The following POU3F2 variants were observed in gnomAD, a reference collection of about 807,000 sequenced individuals.
POU3F2 encodes the protein POU domain, class 3, transcription factor 2.
A neutral mutation model predicts 33.1 loss-of-function variants in POU3F2; 11 were observed. The observed-to-expected ratio is 0.33, with a 90% CI of 0.21 to 0.55. POU3F2 has a LOEUF of 0.55. Among genes scored for constraint, POU3F2 ranks in the 20% least tolerant of loss-of-function variants. POU3F2 has a pLI of 0.91. For synonymous variants in POU3F2, 332 were observed against 289.6 expected, an observed-to-expected ratio of 1.15 and a Z score of -1.49; for missense variants, 456 against 620.2, an observed-to-expected ratio of 0.74 and a Z score of 2.81.
Position 98,835,975 on chromosome 6 carries a change from G to T in POU3F2, c.1102G>T (p.Ala368Ser). The change falls in exon 1 of 1, where the codon GCT becomes TCT. Residue 368 changes from alanine (A) to serine (S), a missense_variant. Physicochemically the swap from Ala to Ser is moderately conservative, Grantham distance 99. Coordinates refer to ENST00000328345, the MANE Select transcript of POU3F2 (RefSeq NM_005604.4). The surrounding 1 kb of genome is among the most constrained non-coding windows in gnomAD (Gnocchi z 9.7). ...RTSIEVSVKG[A>S]LESHFLKCPK... ...CTCCATCGAGGTGAGCGTCAAGGGG[G>T]CTCTGGAGAGCCATTTCCTCAAATG... 6.2e-7 allele frequency: 1 copy of T among 1,613,912 alleles called. No individual in the cohort carries two copies. The highest frequency in any genetic ancestry group is 8.5e-7 in the Non-Finnish European group (1 of 1,179,960).
Position 98,839,446 on chromosome 6 carries a change from A to G in POU3F2, c.*3241A>G, listed in dbSNP as rs1223788842. 6.6e-6 allele frequency: 1 copy of G among 152,248 alleles called. No homozygotes were observed. Among genetic ancestry groups the G allele is most frequent in the Non-Finnish European group, 1.5e-5 (1 of 68,032 alleles). 9.4% of individuals were successfully genotyped at this position (152,248 alleles called of 1,614,324 possible). A position where few individuals can be genotyped will look rare whatever the true frequency, so the allele number is the denominator to read the frequency against. ...ATTATTCCTGTTTGGTTTGCATAAA[A>G]AGATGAATTTTACAATGGTTTATAC... On this transcript the variant is annotated 3_prime_UTR_variant, in exon 1 of 1. Coordinates refer to ENST00000328345, the MANE Select transcript of POU3F2 (RefSeq NM_005604.4).
Position 98,835,402 on chromosome 6 carries a change from C to T in POU3F2, c.529C>T (p.Leu177Phe), listed in dbSNP as rs1436308939. The T allele has an allele frequency of 6.3e-7, 1 of 1,583,460 alleles. No individual in the cohort carries two copies. Among genetic ancestry groups the T allele is most frequent in the Non-Finnish European group, 8.6e-7 (1 of 1,168,528 alleles). The change falls in exon 1 of 1, where the codon CTC becomes TTC. Residue 177 changes from leucine (L) to phenylalanine (F), a missense_variant. Physicochemically the swap from Leu to Phe is conservative, Grantham distance 22. Around this residue, in one of 6 missense-constraint regions of POU3F2, gnomAD observed 341 missense variants for 382.4 expected, o/e 0.89. Transcript: ENST00000328345. The surrounding 1 kb of genome is among the most constrained non-coding windows in gnomAD (Gnocchi z 9.7). ...GCGGAGCGCGGCGGCTGCAGCGCAC[C>T]TCCCACCCTCCATGGGAGCGTCCAA... The part of the protein sequence containing the change: ...AWRSAAAAAH[L>F]PPSMGASNGG...
Position 98,835,956 on chromosome 6 carries a change from C to A in POU3F2, c.1083C>A (p.Ile361=), listed in dbSNP as rs749593813. 4 of 1,614,092 alleles carry A rather than the reference C, an allele frequency of 2.5e-6. No individual in the cohort carries two copies. The highest frequency in any genetic ancestry group is 3.3e-5 in the Admixed American group (2 of 60,000). Residue 361 remains isoleucine, a synonymous_variant, in exon 1 of 1, where the codon ATC becomes ATA. Transcript: ENST00000328345. This position sits in a 1 kb window ranked among gnomAD's most constrained non-coding sequence, Gnocchi z 9.7. The stretch of plus-strand genomic sequence containing the variant: ...GCAAGCGGAAAAAGCGGACCTCCAT[C>A]GAGGTGAGCGTCAAGGGGGCTCTGG... ...QGRKRKKRTS[I]EVSVKGALES...
chr6:98,835,659 G>A lies in POU3F2; in HGVS notation c.786G>A (p.Glu262=), dbSNP rs753609966. The stretch of plus-strand genomic sequence containing the variant: ...CGCACCACGACCCGCACTCGGACGA[G>A]GACACGCCGACCTCGGACGACCTGG... ...PGAHHDPHSD[E]DTPTSDDLEQ... Residue 262 remains glutamate (E), a synonymous_variant, in exon 1 of 1, where the codon GAG becomes GAA. Coordinates refer to ENST00000328345, the MANE Select transcript of POU3F2 (RefSeq NM_005604.4). The surrounding 1 kb of genome is among the most constrained non-coding windows in gnomAD (Gnocchi z 9.7). 6.2e-7 allele frequency: 1 copy of A among 1,613,270 alleles called. No homozygotes were observed. The highest frequency in any genetic ancestry group is 1.7e-5 in the Admixed American group (1 of 60,002).
Position 98,835,848 on chromosome 6 carries a change from G to A in POU3F2, c.975G>A (p.Lys325=). The change falls in exon 1 of 1, where the codon AAG becomes AAA. Residue 325 remains lysine (K), a synonymous_variant. Coordinates refer to ENST00000328345, the MANE Select transcript of POU3F2 (RefSeq NM_005604.4). This position sits in a 1 kb window ranked among gnomAD's most constrained non-coding sequence, Gnocchi z 9.7. The part of the protein sequence containing the change: ...QLSFKNMCKL[K]PLLNKWLEEA... ...GCTTCAAGAACATGTGCAAGCTGAA[G>A]CCTTTGTTGAACAAGTGGTTGGAGG... 1 of 1,614,218 alleles carries A rather than the reference G, an allele frequency of 6.2e-7. No homozygotes were observed. The highest frequency in any genetic ancestry group is 1.7e-5 in the Admixed American group (1 of 60,036).
rs1163702971 is a variant in POU3F2 at position 98,835,794 on chromosome 6, C to T, written c.921C>T (p.Thr307=). ...ATGGCAACGTGTTCTCGCAGACCAC[C>T]ATCTGCAGGTTTGAGGCCCTGCAGC... The part of the protein sequence containing the change: ...TLYGNVFSQT[T]ICRFEALQLS... The change falls in exon 1 of 1, where the codon ACC becomes ACT. Residue 307 remains threonine, a synonymous_variant. Transcript: ENST00000328345. This position sits in a 1 kb window ranked among gnomAD's most constrained non-coding sequence, Gnocchi z 9.7. The T allele has an allele frequency of 4.3e-6, 7 of 1,614,056 alleles. No individual in the cohort carries two copies. Among genetic ancestry groups the T allele is most frequent in the African/African-American group, 1.3e-5 (1 of 74,946 alleles).
rs1316747970 is a variant in POU3F2, at chr6:98,837,770, G to A, written c.*1565G>A. 1 of 166,782 alleles carries A rather than the reference G, an allele frequency of 6.0e-6. No homozygotes were observed. Among genetic ancestry groups the A allele is most frequent in the Non-Finnish European group, 1.5e-5 (1 of 68,114 alleles). 10.3% of individuals were successfully genotyped at this position (166,782 alleles called of 1,614,324 possible). Reference sequence around the variant, plus strand: ...TTTTGACCTTATCTTAATGGAAAACGGTTAACTCCAAACACAAAAGACTCT... The same window carrying A: ...TTTTGACCTTATCTTAATGGAAAACAGTTAACTCCAAACACAAAAGACTCT... On this transcript the variant is annotated 3_prime_UTR_variant, in exon 1 of 1. Transcript: ENST00000328345.
Position 98,836,776 on chromosome 6 carries a change from TTC to T in POU3F2, c.*575_*576del, listed in dbSNP as rs1770004956. ...ACGTGAACAAATTCATGAGCATATT[TTC>T]TCTTTCTCCCCACCGTTAATTTGGG... On this transcript the variant is annotated 3_prime_UTR_variant, in exon 1 of 1. Transcript: ENST00000328345. 1 of 167,042 alleles carries T rather than the reference TTC, an allele frequency of 6.0e-6. No homozygotes were observed. The highest frequency in any genetic ancestry group is 2.4e-5 in the African/African-American group (1 of 41,462). The allele number at this position is 167,042 out of a possible 1,614,324, so 10.3% of individuals were successfully genotyped here.
Position 98,835,135 on chromosome 6 carries a change from G to A in POU3F2, c.262G>A (p.Gly88Ser), listed in dbSNP as rs1356056492. Residue 88 changes from glycine to serine, a missense_variant, in exon 1 of 1, where the codon GGC (glycine) becomes AGC (serine). This residue lies in a region of POU3F2 where 341 missense variants were observed against 382.4 expected (regional missense o/e 0.89). Transcript: ENST00000328345. This position sits in a 1 kb window ranked among gnomAD's most constrained non-coding sequence, Gnocchi z 9.7. ...GGGCGGGGGCGGCGGCGGGGGCGGC[G>A]GCGACGGCTCCCCGTGGTCCACCAG... ...GGGGGGGGGG[G>S]DGSPWSTSPL... 4.0e-6 allele frequency: 5 copies of A among 1,237,378 alleles called. No homozygotes were observed. The highest frequency in any genetic ancestry group is 1.6e-5 in the African/African-American group (1 of 63,800). 76.6% of individuals were successfully genotyped at this position (1,237,378 alleles called of 1,614,324 possible).
rs1010945943 is a variant in POU3F2, at chr6:98,837,812, G to GA, written c.*1613dup. 1.2e-5 allele frequency: 2 copies of GA among 166,748 alleles called. No homozygotes were observed. The highest frequency in any genetic ancestry group is 2.9e-5 in the Non-Finnish European group (2 of 68,116). The allele number at this position is 166,748 out of a possible 1,614,324, so 10.3% of individuals were successfully genotyped here. On this transcript the variant is annotated 3_prime_UTR_variant, in exon 1 of 1. Coordinates refer to ENST00000328345, the MANE Select transcript of POU3F2 (RefSeq NM_005604.4). ...AAAGACTCTACTGGAAAGTGTAGGT[G>GA]AAAAAACTTGTAACTGTATTGAAAA...
In POU3F2 at chr6:98,834,990, C is replaced by T; in HGVS notation, c.117C>T (p.Ser39=). 1 of 1,596,596 alleles carries T rather than the reference C, an allele frequency of 6.3e-7. No individual in the cohort carries two copies. Among genetic ancestry groups the T allele is most frequent in the Non-Finnish European group, 8.5e-7 (1 of 1,177,594 alleles). ...CGGGGGGCTACCGCGAAGCGCAGAG[C>T]CTGGTGCAGGGCGACTACGGCGCTC... ...QGAGGYREAQ[S]LVQGDYGALQ... The change falls in exon 1 of 1, where the codon AGC becomes AGT. Residue 39 remains serine, a synonymous_variant. Transcript: ENST00000328345.
rs1440792457 is a variant in POU3F2 at position 98,836,467 on chromosome 6, G to C, written c.*262G>C. 4.9e-6 allele frequency: 2 copies of C among 408,524 alleles called. No homozygotes were observed. The highest frequency in any genetic ancestry group is 8.9e-6 in the Non-Finnish European group (2 of 225,692). The allele number at this position is 408,524 out of a possible 1,614,324, so 25.3% of individuals were successfully genotyped here. A position where few individuals can be genotyped will look rare whatever the true frequency, so the allele number is the denominator to read the frequency against. On this transcript the variant is annotated 3_prime_UTR_variant, in exon 1 of 1. Coordinates refer to ENST00000328345, the MANE Select transcript of POU3F2 (RefSeq NM_005604.4). ...CAGGCAATGGAGTGGAGTGTCTCCT[G>C]GAGAGAGTGAGGAGAGTGTGTGATA...
chr6:98,834,954 G>A lies in POU3F2; in HGVS notation c.81G>A (p.Met27Ile), dbSNP rs751975215. ...TGCACGCCGAGCCGCCCGGCGGCAT[G>A]CAGCAGGGCGCGGGGGGCTACCGCG... ...SIVHAEPPGG[M>I]QQGAGGYREA... Residue 27 changes from methionine (M) to isoleucine (I), a missense_variant, in exon 1 of 1, where the codon ATG (methionine) becomes ATA (isoleucine). Physicochemically the swap from Met to Ile is conservative, Grantham distance 10. Coordinates refer to ENST00000328345, the MANE Select transcript of POU3F2 (RefSeq NM_005604.4). 3.2e-5 allele frequency: 51 copies of A among 1,599,098 alleles called. No homozygotes were observed. The highest frequency in any genetic ancestry group is 6.8e-6 in the Non-Finnish European group (8 of 1,178,982).
rs945695111 is a variant in POU3F2, at chr6:98,837,097, C to T, written c.*892C>T. On this transcript the variant is annotated 3_prime_UTR_variant, in exon 1 of 1. Transcript: ENST00000328345. ...ATCCGGTTTGGAATATAAAAATAAG[C>T]ATTGGTTGTTCTTACCAGCCACAAA... 1.2e-5 allele frequency: 2 copies of T among 167,194 alleles called. No individual in the cohort carries two copies. 10.4% of individuals were successfully genotyped at this position (167,194 alleles called of 1,614,324 possible).
In POU3F2 at chr6:98,834,882, C is replaced by G. The variant is rs781220601; in HGVS notation, c.9C>G (p.Thr3=). MA[T]AASNHYSLLT... ...GTCCGGCTCCGAGAGTCATGGCGAC[C>G]GCAGCGTCTAACCACTACAGCCTGC... The change falls in exon 1 of 1, where the codon ACC becomes ACG. Residue 3 remains threonine, a synonymous_variant. Transcript: ENST00000328345. 1.3e-6 allele frequency: 2 copies of G among 1,598,358 alleles called. No homozygotes were observed. The highest frequency in any genetic ancestry group is 8.5e-7 in the Non-Finnish European group (1 of 1,178,844).
At position 98,835,919 on chromosome 6, in the gene POU3F2, C is replaced by T. The variant is rs1473395856; in HGVS notation, c.1046C>T (p.Ala349Val). Residue 349 changes from alanine to valine, a missense_variant, in exon 1 of 1, where the codon GCA becomes GTA. By Grantham distance (64) the Ala-to-Val change is moderately conservative. This residue lies in a region of POU3F2 where 48 missense variants were observed against 96.0 expected (regional missense o/e 0.50). Transcript: ENST00000328345. The surrounding 1 kb of genome is among the most constrained non-coding windows in gnomAD (Gnocchi z 9.7). Reference sequence around the variant, plus strand: ...AGCCCCACGAGCATAGACAAGATCGCAGCGCAAGGGCGCAAGCGGAAAAAG... The same window carrying T: ...AGCCCCACGAGCATAGACAAGATCGTAGCGCAAGGGCGCAAGCGGAAAAAG... ...SGSPTSIDKI[A>V]AQGRKRKKRT... The T allele has an allele frequency of 1.2e-6, 2 of 1,614,090 alleles. No homozygotes were observed. The highest frequency in any genetic ancestry group is 1.7e-6 in the Non-Finnish European group (2 of 1,180,050).
Position 98,839,025 on chromosome 6 carries a change from A to C in POU3F2, c.*2820A>C, listed in dbSNP as rs1445627915. On this transcript the variant is annotated 3_prime_UTR_variant, in exon 1 of 1. Coordinates refer to ENST00000328345, the MANE Select transcript of POU3F2 (RefSeq NM_005604.4). The stretch of plus-strand genomic sequence containing the variant: ...TTTTTTTAATGGAGACTACTGGTCT[A>C]ATTCACTTTACTTTGCAAAAACTAT... 1 of 151,710 alleles carries C rather than the reference A, an allele frequency of 6.6e-6. No homozygotes were observed. Among genetic ancestry groups the C allele is most frequent in the East Asian group, 1.9e-4 (1 of 5,180 alleles). 9.4% of individuals were successfully genotyped at this position (151,710 alleles called of 1,614,324 possible). A position where few individuals can be genotyped will look rare whatever the true frequency, so the allele number is the denominator to read the frequency against.
rs5878562 is a variant in POU3F2 at position 98,837,682 on chromosome 6, GA to G, written c.*1488del. ...TTTCACTAAGGAAGGCAAATGAAGTGAAAAAAAAAAATGCCATTTTCAATCC... is the reference window on the plus strand; with the variant it reads ...TTTCACTAAGGAAGGCAAATGAAGTGAAAAAAAAAATGCCATTTTCAATCC... On this transcript the variant is annotated 3_prime_UTR_variant, in exon 1 of 1. Coordinates refer to ENST00000328345, the MANE Select transcript of POU3F2 (RefSeq NM_005604.4). The G allele has an allele frequency of 0.82, 134,891 of 165,414 alleles. 54,970 individuals are homozygous for G. Among genetic ancestry groups the G allele is most frequent in the East Asian group, 0.86 (4,426 of 5,150 alleles). The allele number at this position is 165,414 out of a possible 1,614,324, so 10.2% of individuals were successfully genotyped here. A position where few individuals can be genotyped will look rare whatever the true frequency, so the allele number is the denominator to read the frequency against.
Position 98,835,630 on chromosome 6 carries a change from G to A in POU3F2, c.757G>A (p.Gly253Ser). The A allele has an allele frequency of 6.2e-7, 1 of 1,612,670 alleles. No homozygotes were observed. ...PPPQGPPGHPGAHHDPHSDED... is the reference protein window; with the variant it reads ...PPPQGPPGHPSAHHDPHSDED... ...CCCGCAGGGTCCGCCTGGCCACCCAGGCGCGCACCACGACCCGCACTCGGA... is the reference window on the plus strand; with the variant it reads ...CCCGCAGGGTCCGCCTGGCCACCCAAGCGCGCACCACGACCCGCACTCGGA... Residue 253 changes from glycine to serine, a missense_variant, in exon 1 of 1, where the codon GGC (glycine) becomes AGC (serine). Physicochemically the swap from Gly to Ser is moderately conservative, Grantham distance 56 (BLOSUM62 0). This residue lies in a region of POU3F2 where 341 missense variants were observed against 382.4 expected (regional missense o/e 0.89). Coordinates refer to ENST00000328345, the MANE Select transcript of POU3F2 (RefSeq NM_005604.4). This position sits in a 1 kb window ranked among gnomAD's most constrained non-coding sequence, Gnocchi z 9.7.
Sources: allele counts gnomAD v4.1 joint callset, GRCh38; gene constraint gnomAD v4.1.1; regional missense constraint gnomAD v4.1.1; non-coding constraint Gnocchi (gnomAD v3.1); transcripts MANE v1.5; gene names NCBI Gene and HGNC (gene_info 2026-07-23, HGNC 2026-07-21).